Variants in CCN4 observed in about 807,000 individuals in gnomAD.
The protein encoded by CCN4 is CCN family member 4.
A neutral mutation model predicts 36.7 loss-of-function variants in CCN4; 30 were observed. That is an observed-to-expected ratio of 0.82 (90% CI 0.61 to 1.11). The LOEUF (loss-of-function observed/expected upper bound fraction) is 1.11, where lower values mean the gene tolerates loss of function less well. CCN4 is among the 50% of genes least tolerant of loss of function. The pLI, the probability that CCN4 is intolerant of heterozygous loss-of-function variation, is 0.00. For synonymous variants in CCN4, 191 were observed against 195.4 expected (o/e 0.98, Z 0.19); for missense variants, 505 against 504.9 (o/e 1.00, Z 0.00).
chr8:133,221,985 AATGGATGG>A (rs375511762), intron 3 of CCN4, among the ~76,000 whole-genome samples: 3 of 150,344 alleles, frequency 2.0e-5, no homozygotes, highest in African/African-American at 7.4e-5. Flanking sequence ...TGGATGGATG[AATGGATGG>A]ATGGATGGAT....
chr8:133,224,056 G>A (rs562271560), intron 3 of CCN4, among the ~76,000 whole-genome samples: 6 of 151,976 alleles, frequency 3.9e-5, no homozygotes, highest in African/African-American at 9.7e-5. Flanking sequence ...TTTCATAGGC[G>A]TGAAGTCATC....
At position 133,227,792 on chromosome 8, in the gene CCN4, T is replaced by C; in HGVS notation, c.*82T>C. ...CTTATGGCCAATAACTTTTCACCAA[T>C]GAGCCTTAGTTACCCTGATCTGGAC... On this transcript the variant is annotated 3_prime_UTR_variant, in exon 5 of 5. Coordinates refer to ENST00000250160, the MANE Select transcript of CCN4 (RefSeq NM_003882.4). 1 of 1,463,590 alleles carries C rather than the reference T, an allele frequency of 6.8e-7. No individual in the cohort carries two copies. Among genetic ancestry groups the C allele is most frequent in the Non-Finnish European group, 9.2e-7 (1 of 1,081,160 alleles). The allele number at this position is 1,463,590 out of a possible 1,614,324, so 90.7% of individuals were successfully genotyped here.
chr8:133,205,042 A>G (rs1008762942), intron 1 of CCN4, among the ~76,000 whole-genome samples: 2 of 152,172 alleles, frequency 1.3e-5, no homozygotes, highest in Non-Finnish European at 1.5e-5. Flanking sequence ...AATCATCATC[A>G]TAGTACCTGG....
At chr8:133,195,291 A>G (rs1195383810) in intron 1 of CCN4, among the ~76,000 whole-genome samples, 1 of 129,620 alleles carries the variant, frequency 7.7e-6, no homozygotes, top group African/African-American at 3.0e-5. Flanking sequence ...GTGTGTGTTG[A>G]GTGTGTATGT....
intron 1 of CCN4, among the ~76,000 whole-genome samples, chr8:133,191,881 C>T (rs181814563): frequency 2.0e-4 from 30 of 152,252 alleles, no homozygotes; most frequent in Non-Finnish European, 2.6e-4. Flanking sequence ...GTGATGTGGG[C>T]ACCCCAGAGT....
At chr8:133,198,798 A>C in intron 1 of CCN4, among the ~76,000 whole-genome samples, 1 of 150,736 alleles carries the variant, frequency 6.6e-6, no homozygotes, top group African/African-American at 2.5e-5. Context: ...TCCTCCCCCT[A>C]CCCTCCTGCA....
At chr8:133,191,631 G>A (rs1265065426) in intron 1 of CCN4, among the ~76,000 whole-genome samples, 1 of 152,136 alleles carries the variant, frequency 6.6e-6, no homozygotes, top group Non-Finnish European at 1.5e-5. Flanking sequence ...TAGAGTCTCT[G>A]AGTTTGAAAA....
At position 133,220,694 on chromosome 8, in the gene CCN4, C is replaced by A. The variant is rs1414947305; in HGVS notation, c.463C>A (p.Pro155Thr). ...TCIDGAVGCT[P>T]LCLRVRPPRL... ...CATCGACGGCGCGGTGGGCTGCACA[C>A]CACTGTGCCTCCGAGTGCGCCCCCC... The change falls in exon 3 of 5, where the codon CCA (proline) becomes ACA (threonine). Residue 155 changes from proline (P) to threonine (T), a missense_variant. Pro to Thr is a conservative substitution (Grantham distance 38). Transcript: ENST00000250160. 1 of 1,613,976 alleles carries A rather than the reference C, an allele frequency of 6.2e-7. No individual in the cohort carries two copies. The highest frequency in any genetic ancestry group is 1.7e-5 in the Admixed American group (1 of 60,036).
At chr8:133,210,231 C>A (rs1339664849) in intron 1 of CCN4, among the ~76,000 whole-genome samples, 1 of 152,120 alleles carries the variant, frequency 6.6e-6, no homozygotes, top group African/African-American at 2.4e-5. Context: ...GGCAGGGAAG[C>A]CTTCCTGGAG....
At chr8:133,224,947 A>G (rs1854674110) in intron 3 of CCN4, among the ~76,000 whole-genome samples, 1 of 152,136 alleles carries the variant, frequency 6.6e-6, no homozygotes, top group Admixed American at 6.5e-5. Context: ...AAAAAAAAAA[A>G]AAAAGTCCCA....
rs947824904 is a variant in CCN4 at position 133,231,118 on chromosome 8, G to C, written c.*3408G>C. ...TGATTCAGAATTATCAAAGATAGTA[G>C]ATTCGAATGACATGATTGTCTATAA... On this transcript the variant is annotated 3_prime_UTR_variant, in exon 5 of 5. Coordinates refer to ENST00000250160, the MANE Select transcript of CCN4 (RefSeq NM_003882.4). 3.3e-5 allele frequency: 5 copies of C among 152,318 alleles called. No homozygotes were observed. The highest frequency in any genetic ancestry group is 1.2e-4 in the African/African-American group (5 of 41,558). The allele number at this position is 152,318 out of a possible 1,614,324, so 9.4% of individuals were successfully genotyped here. A position where few individuals can be genotyped will look rare whatever the true frequency, so the allele number is the denominator to read the frequency against.
intron 1 of CCN4, among the ~76,000 whole-genome samples, chr8:133,193,167 G>T (rs767421430): frequency 1.8e-4 from 27 of 152,184 alleles, no homozygotes; most frequent in Non-Finnish European, 3.7e-4. Context: ...TTCCATACAT[G>T]GTCATCCTCC....
At chr8:133,217,936 CCACACA>C (rs58105917) in intron 2 of CCN4, among the ~76,000 whole-genome samples, 7 of 144,430 alleles carry the variant, frequency 4.8e-5, no homozygotes, top group Non-Finnish European at 1.0e-4. Context: ...ACTCCCTTCT[CCACACA>C]CACACACACA....
rs942792228 is a variant in CCN4, at chr8:133,231,395, A to C, written c.*3685A>C. On this transcript the variant is annotated 3_prime_UTR_variant, in exon 5 of 5. Coordinates refer to ENST00000250160, the MANE Select transcript of CCN4 (RefSeq NM_003882.4). ...TTCCTACTGCCATTTTTGTGACTGA[A>C]AAACTACACATGAGGAAACGTCTTA... 4 of 152,228 alleles carry C rather than the reference A, an allele frequency of 2.6e-5. No homozygotes were observed. The highest frequency in any genetic ancestry group is 9.6e-5 in the African/African-American group (4 of 41,456). The allele number at this position is 152,228 out of a possible 1,614,324, so 9.4% of individuals were successfully genotyped here.
chr8:133,222,275 G>A (rs1854565565), intron 3 of CCN4, among the ~76,000 whole-genome samples: 1 of 152,136 alleles, frequency 6.6e-6, no homozygotes, highest in Non-Finnish European at 1.5e-5. Context: ...AGGTCTTAAT[G>A]TCAATCTAAT....
intron 1 of CCN4, among the ~76,000 whole-genome samples, chr8:133,203,457 A>G (rs1253361845): frequency 6.6e-6 from 1 of 152,208 alleles, no homozygotes; most frequent in African/African-American, 2.4e-5. Flanking sequence ...CTGGGTCAAT[A>G]GACCACCTTC....
At chr8:133,211,999 C>T (rs1233602956) in intron 1 of CCN4, among the ~76,000 whole-genome samples, 1 of 152,226 alleles carries the variant, frequency 6.6e-6, no homozygotes, top group African/African-American at 2.4e-5. Context: ...ATCTGCCGCT[C>T]CTCAGGCCTG....
At chr8:133,191,250 G>C in intron 1 of CCN4, 37 bp downstream of exon 1, 1 of 1,588,628 alleles carries the variant, frequency 6.3e-7, no homozygotes, top group Non-Finnish European at 8.5e-7. Context: ...GGGAGACCCA[G>C]CTCCCTTCTC....
At chr8:133,207,994 G>GTTTTTTTTT (rs33983896) in intron 1 of CCN4, among the ~76,000 whole-genome samples, 1,814 of 141,458 alleles carry the variant, frequency 0.013, 44 homozygotes, top group East Asian at 0.067. Flanking sequence ...CCTTTCAGCT[G>GTTTTTTTTT]TTTTTTTTTT....
Sources: gnomAD v4.1 joint callset for allele counts (sites outside exome capture counted in the v4.1 genomes callset) on GRCh38, gnomAD v4.1.1 for gene constraint, MANE v1.5 for transcripts, NCBI Gene and HGNC (gene_info 2026-07-23, HGNC 2026-07-21) for gene names.